The following PATL1 variants were observed in gnomAD, a reference collection of about 807,000 sequenced individuals.
PATL1 encodes the protein protein PAT1 homolog 1.
Under a neutral mutation model 100.6 loss-of-function variants are expected in PATL1, and 32 were observed. The ratio of observed to expected loss-of-function variants is 0.32; its 90% CI spans 0.24 to 0.43. The LOEUF is 0.43. PATL1 is among the 20% of genes least tolerant of loss of function. The pLI, the probability that PATL1 is intolerant of heterozygous loss-of-function variation, is 1.00. For synonymous variants in PATL1, 332 were observed against 330.0 expected, an observed-to-expected ratio of 1.01 and a Z score of -0.07; for missense variants, 747 against 949.9, an observed-to-expected ratio of 0.79 and a Z score of 2.81.
Position 59,651,649 on chromosome 11 carries a change from G to T in PATL1, c.1427-8C>A. 3 of 1,446,240 alleles carry T rather than the reference G, an allele frequency of 2.1e-6. No homozygotes were observed. The highest frequency in any genetic ancestry group is 1.8e-6 in the Non-Finnish European group (2 of 1,084,256). 89.6% of individuals were successfully genotyped at this position (1,446,240 alleles called of 1,614,324 possible). ...AAGAGCCCTCAAATTGCACTGCAAA[G>T]ACAAAAAAAAAAAAAATTCCAACAA... On this transcript the variant is annotated splice_polypyrimidine_tract_variant and splice_region_variant and intron_variant, in intron 11 of 18. Coordinates refer to ENST00000300146, the MANE Select transcript of PATL1 (RefSeq NM_152716.3).
In PATL1 at chr11:59,651,660, A is replaced by G; in HGVS notation, c.1427-19T>C. On this transcript the variant is annotated intron_variant, in intron 11 of 18. Transcript: ENST00000300146. ...AATTGCACTGCAAAGACAAAAAAAAAAAAAATTCCAACAAAATAAAAAGTC... is the reference window on the plus strand; with the variant it reads ...AATTGCACTGCAAAGACAAAAAAAAGAAAAATTCCAACAAAATAAAAAGTC... 6.5e-7 allele frequency: 1 copy of G among 1,530,106 alleles called. No individual in the cohort carries two copies. The highest frequency in any genetic ancestry group is 8.9e-7 in the Non-Finnish European group (1 of 1,120,852). The allele number at this position is 1,530,106 out of a possible 1,614,324, so 94.8% of individuals were successfully genotyped here.
intron 1 of PATL1, among the ~76,000 whole-genome samples, chr11:59,668,136 A>T (rs1387022437): frequency 6.6e-6 from 1 of 152,348 alleles, no homozygotes; most frequent in Non-Finnish European, 1.5e-5. Context: ...TGCTTTTTTA[A>T]ATTAAAAATT....
chr11:59,656,053 A>T lies in PATL1; in HGVS notation c.724-8T>A, dbSNP rs755054402. On this transcript the variant is annotated splice_region_variant and splice_polypyrimidine_tract_variant and intron_variant, in intron 6 of 18. Transcript: ENST00000300146. ...ACCCAGGAGGGAAGAGTTCTAAGGTAAAAAAAAAAAAAAAAAAAAGAATAT... is the reference window on the plus strand; with the variant it reads ...ACCCAGGAGGGAAGAGTTCTAAGGTTAAAAAAAAAAAAAAAAAAAGAATAT... 39 of 118,550 alleles carry T rather than the reference A, an allele frequency of 3.3e-4. No individual in the cohort carries two copies. The highest frequency in any genetic ancestry group is 4.9e-4 in the East Asian group (2 of 4,104). The allele number at this position is 118,550 out of a possible 1,614,324, so 7.3% of individuals were successfully genotyped here. A position where few individuals can be genotyped will look rare whatever the true frequency, so the allele number is the denominator to read the frequency against.
chr11:59,652,373 T>A, intron 11 of PATL1, 91 bp downstream of exon 11: 10 of 1,469,220 alleles, frequency 6.8e-6, no homozygotes, highest in Non-Finnish European at 8.2e-6. Flanking sequence ...TCTTTGCATA[T>A]CCTTCCACAT....
chr11:59,650,583 C>T (rs1861428166), intron 13 of PATL1, among the ~76,000 whole-genome samples, 171 bp downstream of exon 13: 2 of 152,186 alleles, frequency 1.3e-5, no homozygotes, highest in South Asian at 2.1e-4. Flanking sequence ...GTGAAACATA[C>T]CATAATCCTT....
In PATL1 at chr11:59,656,059, A is replaced by T; in HGVS notation, c.724-14T>A. The T allele has an allele frequency of 7.4e-7, 1 of 1,347,950 alleles. No individual in the cohort carries two copies. Among genetic ancestry groups the T allele is most frequent in the Non-Finnish European group, 9.9e-7 (1 of 1,015,010 alleles). 83.5% of individuals were successfully genotyped at this position (1,347,950 alleles called of 1,614,324 possible). A position where few individuals can be genotyped will look rare whatever the true frequency, so the allele number is the denominator to read the frequency against. ...GAGGGAAGAGTTCTAAGGTAAAAAA[A>T]AAAAAAAAAAAAAGAATATGCTATA... On this transcript the variant is annotated splice_polypyrimidine_tract_variant and intron_variant, in intron 6 of 18. Transcript: ENST00000300146.
At chr11:59,668,819 A>G in intron 1 of PATL1, 62 bp downstream of exon 1, 1 of 841,930 alleles carries the variant, frequency 1.2e-6, no homozygotes, top group Non-Finnish European at 1.8e-6. Flanking sequence ...GCGCGCGGAG[A>G]GAGAGTGAGG....
Position 59,637,356 on chromosome 11 carries a change from G to A in PATL1, c.*1034C>T, listed in dbSNP as rs187539489. On this transcript the variant is annotated 3_prime_UTR_variant, in exon 19 of 19. Coordinates refer to ENST00000300146, the MANE Select transcript of PATL1 (RefSeq NM_152716.3). Reference sequence around the variant, plus strand: ...AAGACAGCAGTTCTGCCCATGGTGTGGAGACTAAAAAGCAAAGCAGGCCAA... The same window carrying A: ...AAGACAGCAGTTCTGCCCATGGTGTAGAGACTAAAAAGCAAAGCAGGCCAA... The A allele has an allele frequency of 2.6e-5, 4 of 152,712 alleles. No homozygotes were observed. In the East Asian group the frequency reaches 5.8e-4, roughly 22 times the overall value. 9.5% of individuals were successfully genotyped at this position (152,712 alleles called of 1,614,324 possible).
Position 59,659,447 on chromosome 11 carries a change from A to G in PATL1, c.150T>C (p.His50=). 6.4e-7 allele frequency: 1 copy of G among 1,550,526 alleles called. No individual in the cohort carries two copies. Residue 50 remains histidine (H), a synonymous_variant, in exon 3 of 19, where the codon CAT becomes CAC. Transcript: ENST00000300146. ...GAVDDDWQEA[H]ERLAELEEKL... ...TTTCTTCCAATTCAGCCAGGCGCTCATGTGCTTCCTGCCAATCATCATCTA... is the reference window on the plus strand; with the variant it reads ...TTTCTTCCAATTCAGCCAGGCGCTCGTGTGCTTCCTGCCAATCATCATCTA...
chr11:59,652,064 CAAAAAAAAAAAAAAAAAA>C (rs748019832), intron 11 of PATL1, among the ~76,000 whole-genome samples: 3 of 52,996 alleles, frequency 5.7e-5, no homozygotes, highest in Non-Finnish European at 6.6e-5. Context: ...GGCTCTTTCT[CAAAAAAAAAAAAAAAAAA>C]AAAAAAAAAA....
At chr11:59,668,777 C>A in intron 1 of PATL1, 104 bp downstream of exon 1, 1 of 620,406 alleles carries the variant, frequency 1.6e-6, no homozygotes, top group Admixed American at 2.7e-5. Context: ...ACTCCCCCAG[C>A]CCGCCCCCTG....
At chr11:59,653,044 C>T in intron 9 of PATL1, 26 bp from the exon 10 acceptor site, 2 of 1,553,650 alleles carry the variant, frequency 1.3e-6, no homozygotes, top group African/African-American at 1.4e-5. Context: ...CACATTCATT[C>T]CATGTGGGCA....
chr11:59,640,218 G>A (rs1861256674), intron 16 of PATL1, among the ~76,000 whole-genome samples: 1 of 152,028 alleles, frequency 6.6e-6, no homozygotes, highest in Non-Finnish European at 1.5e-5. Context: ...GCACATGCCT[G>A]TAATCCCAGC....
At chr11:59,647,222 C>CAAA (rs1175300355) in intron 15 of PATL1, among the ~76,000 whole-genome samples, 930 of 59,932 alleles carry the variant, frequency 0.016, 28 homozygotes, top group African/African-American at 0.05. Context: ...AACTCTGTCT[C>CAAA]AAAAAAAAAA....
At chr11:59,665,919 C>T (rs892935930) in intron 2 of PATL1, among the ~76,000 whole-genome samples, 1 of 152,224 alleles carries the variant, frequency 6.6e-6, no homozygotes, top group Non-Finnish European at 1.5e-5. Flanking sequence ...AATTTTCCAT[C>T]TTGGCATTTA....
rs1281517555 is a variant in PATL1, at chr11:59,658,874, G to A, written c.418C>T (p.Leu140Phe). 6.5e-7 allele frequency: 1 copy of A among 1,548,102 alleles called. No homozygotes were observed. ...GAGAAAATATTTAATACCTGAGCAA[G>A]CAGTGGTCCTCGGATTCGCCTCAGA... Reference protein sequence around the residue: ...EVLRRIRGPLLAQEMPTVSVL... With the variant: ...EVLRRIRGPLFAQEMPTVSVL... Residue 140 changes from leucine (L) to phenylalanine (F), a missense_variant, in exon 4 of 19, where the codon CTT (leucine) becomes TTT (phenylalanine). Physicochemically the swap from Leu to Phe is conservative, Grantham distance 22. Coordinates refer to ENST00000300146, the MANE Select transcript of PATL1 (RefSeq NM_152716.3).
intron 9 of PATL1, among the ~76,000 whole-genome samples, chr11:59,653,346 G>A (rs1349414455): frequency 6.6e-6 from 1 of 152,156 alleles, no homozygotes; most frequent in Admixed American, 6.5e-5. Flanking sequence ...TGCCAAGAGA[G>A]ATCAAGTAAT....
intron 1 of PATL1, chr11:59,667,198 C>T: frequency 1.8e-6 from 1 of 563,264 alleles, no homozygotes; most frequent in Non-Finnish European, 2.2e-6. Context: ...CCCCACCTCA[C>T]AGCATTCCAT....
rs767830269 is a variant in PATL1 at position 59,639,118 on chromosome 11, T to C, written c.2221A>G (p.Thr741Ala). The change falls in exon 18 of 19, where the codon ACA (threonine) becomes GCA (alanine). Residue 741 changes from threonine to alanine, a missense_variant. Physicochemically the swap from Thr to Ala is moderately conservative, Grantham distance 58 (BLOSUM62 0). This residue lies in a region of PATL1 where 434 missense variants were observed against 596.1 expected (regional missense o/e 0.73). Coordinates refer to ENST00000300146, the MANE Select transcript of PATL1 (RefSeq NM_152716.3). ...CGAGAAAAGAGGGACACTAGGTTTG[T>C]AGGTATAGAGATTGGCTTGGCCAGG... is the stretch of plus-strand genomic sequence containing the variant. The part of the protein sequence containing the change: ...AALAKPISIP[T>A]NLVSLFSRYV... The C allele has an allele frequency of 6.2e-7, 1 of 1,614,010 alleles. No homozygotes were observed. The highest frequency in any genetic ancestry group is 8.5e-7 in the Non-Finnish European group (1 of 1,179,884).
Sources: allele counts gnomAD v4.1 joint callset (sites outside exome capture counted in the v4.1 genomes callset), GRCh38; gene constraint gnomAD v4.1.1; regional missense constraint gnomAD v4.1.1; transcripts MANE v1.5; gene names NCBI Gene and HGNC (gene_info 2026-07-23, HGNC 2026-07-21).